The following LYPD6B variants were observed in gnomAD, a reference collection of about 807,000 sequenced individuals.
LYPD6B encodes LY6/PLAUR domain containing 6B.
In LYPD6B, 17 loss-of-function variants were observed where a neutral mutation model predicts 22.8. The ratio of observed to expected loss-of-function variants is 0.75; its 90% CI spans 0.51 to 1.12. LYPD6B has a LOEUF of 1.12. Ranked by LOEUF, LYPD6B falls within the 50% of genes most tolerant of loss-of-function variation. The pLI is 0.00. For missense variants in LYPD6B, 221 were observed against 258.3 expected (o/e 0.86, Z 0.99); for synonymous variants, 106 against 91.6 (o/e 1.16, Z -0.90).
chr2:149,196,631 C>T (rs2106094456), intron 3 of LYPD6B, among the ~76,000 whole-genome samples: 1 of 152,236 alleles, frequency 6.6e-6, no homozygotes, highest in South Asian at 2.1e-4. Context: ...AATACTGTCT[C>T]CTAAACAGAG....
At chr2:149,114,739 G>C (rs1471084815) in intron 1 of LYPD6B, among the ~76,000 whole-genome samples, 1 of 152,110 alleles carries the variant, frequency 6.6e-6, no homozygotes. Context: ...TGTCTGAAAG[G>C]ACTAATTCTA....
chr2:149,160,476 A>G (rs749209765), intron 2 of LYPD6B: 1 of 525,896 alleles, frequency 1.9e-6, no homozygotes, highest in South Asian at 1.5e-5. Context: ...GAGGGATGTG[A>G]TGAGGTGTAT....
chr2:149,176,371 G>T (rs12466527), intron 3 of LYPD6B, among the ~76,000 whole-genome samples: 2 of 152,196 alleles, frequency 1.3e-5, no homozygotes, highest in Non-Finnish European at 2.9e-5. Context: ...ATAATACCTA[G>T]TAAAGATGTG....
At chr2:149,126,923 C>G (rs1478223315) in intron 1 of LYPD6B, among the ~76,000 whole-genome samples, 1 of 136,338 alleles carries the variant, frequency 7.3e-6, no homozygotes, top group Non-Finnish European at 1.6e-5. Context: ...TCTGTACTGC[C>G]TTCTGGTCAT....
chr2:149,059,295 C>T (rs1306863407), intron 1 of LYPD6B, among the ~76,000 whole-genome samples: 2 of 152,230 alleles, frequency 1.3e-5, no homozygotes, highest in African/African-American at 4.8e-5. Context: ...ACACACTTTC[C>T]TCCATTTCCT....
At chr2:149,118,836 A>C (rs140131081) in intron 1 of LYPD6B, among the ~76,000 whole-genome samples, 39 of 152,332 alleles carry the variant, frequency 2.6e-4, no homozygotes, top group African/African-American at 9.1e-4. Context: ...GGCTGTGGTT[A>C]ATCTACTGCC....
chr2:149,199,409 C>A (rs1013981082), intron 3 of LYPD6B, among the ~76,000 whole-genome samples: 3 of 152,204 alleles, frequency 2.0e-5, no homozygotes, highest in Non-Finnish European at 2.9e-5. Flanking sequence ...ACCAGTGGCT[C>A]ATATTGACTT....
intron 1 of LYPD6B, among the ~76,000 whole-genome samples, chr2:149,079,435 C>A (rs1388397645): frequency 2.0e-5 from 3 of 152,136 alleles, no homozygotes; most frequent in Non-Finnish European, 1.5e-5. Context: ...TTTAGAGGTT[C>A]CTTTTTATTT....
At chr2:149,151,610 A>G (rs1689385023) in intron 2 of LYPD6B, among the ~76,000 whole-genome samples, 1 of 152,198 alleles carries the variant, frequency 6.6e-6, no homozygotes, top group Non-Finnish European at 1.5e-5. Flanking sequence ...GGATGTCCTT[A>G]GGTGCCAAAC....
At chr2:149,076,344 G>A (rs1366211070) in intron 1 of LYPD6B, among the ~76,000 whole-genome samples, 1 of 152,144 alleles carries the variant, frequency 6.6e-6, no homozygotes, top group Non-Finnish European at 1.5e-5. Context: ...TAAAGAGAAT[G>A]CAGCATATAA....
chr2:149,079,568 C>A (rs1685031517), intron 1 of LYPD6B, among the ~76,000 whole-genome samples: 1 of 152,140 alleles, frequency 6.6e-6, no homozygotes, highest in Admixed American at 6.5e-5. Context: ...ACCAGCCACC[C>A]TTGAAGTCTC....
intron 2 of LYPD6B, among the ~76,000 whole-genome samples, chr2:149,132,998 A>G (rs888547413): frequency 6.6e-6 from 1 of 152,158 alleles, no homozygotes; most frequent in African/African-American, 2.4e-5. Flanking sequence ...TTTTGTTTTT[A>G]CTAGGTTCTA....
At chr2:149,140,869 G>A (rs527716351) in intron 2 of LYPD6B, among the ~76,000 whole-genome samples, 2 of 152,284 alleles carry the variant, frequency 1.3e-5, no homozygotes, top group East Asian at 3.9e-4. Flanking sequence ...AAAGGAGAGA[G>A]GAAGCTGCAG....
intron 2 of LYPD6B, among the ~76,000 whole-genome samples, chr2:149,158,765 CAT>C (rs537418725): frequency 3.2e-4 from 48 of 152,286 alleles, no homozygotes; most frequent in Admixed American, 2.7e-3. Flanking sequence ...CACATACAAA[CAT>C]ATAAAATTTA....
intron 1 of LYPD6B, among the ~76,000 whole-genome samples, chr2:149,055,458 G>A (rs1213027886): frequency 6.6e-6 from 1 of 152,132 alleles, no homozygotes. Context: ...CACTGATTTT[G>A]TAAATCAATG....
intron 3 of LYPD6B, among the ~76,000 whole-genome samples, chr2:149,174,538 A>G: frequency 6.6e-6 from 1 of 152,078 alleles, no homozygotes; most frequent in African/African-American, 2.4e-5. Context: ...TATGGCTCTT[A>G]TTATTTTGAG....
chr2:149,042,729 A>T (rs913642736), intron 1 of LYPD6B, among the ~76,000 whole-genome samples: 1 of 152,214 alleles, frequency 6.6e-6, no homozygotes, highest in Admixed American at 6.5e-5. Flanking sequence ...GAAATAAAAA[A>T]TAAAATAGAT....
chr2:149,101,261 C>T (rs375945371), intron 1 of LYPD6B: 1 of 152,244 alleles, frequency 6.6e-6, no homozygotes, highest in Admixed American at 6.5e-5. Context: ...AGGAATGAGC[C>T]CAAACCAGGG....
chr2:149,125,234 C>G (rs1687627881), intron 1 of LYPD6B, among the ~76,000 whole-genome samples: 1 of 152,152 alleles, frequency 6.6e-6, no homozygotes, highest in Non-Finnish European at 1.5e-5. Context: ...ACCCTGTTTG[C>G]CAAAGTCAAA....
Sources: gnomAD v4.1 joint callset for allele counts (sites outside exome capture counted in the v4.1 genomes callset) on GRCh38, gnomAD v4.1.1 for gene constraint, MANE v1.5 for transcripts, NCBI Gene and HGNC (gene_info 2026-07-23, HGNC 2026-07-21) for gene names.